The following LYST variants were observed in gnomAD, a reference collection of about 807,000 sequenced individuals.
LYST encodes lysosomal trafficking regulator, also known as lysosomal-trafficking regulator.
In LYST, 192 loss-of-function variants were observed where a neutral mutation model predicts 413.6. That is an observed-to-expected ratio of 0.46 (90% CI 0.41 to 0.52). The LOEUF (loss-of-function observed/expected upper bound fraction) is 0.52, where lower values mean the gene tolerates loss of function less well. LYST is among the 20% of genes least tolerant of loss of function. The pLI, the probability that LYST is intolerant of heterozygous loss-of-function variation, is 0.00. For missense variants in LYST, 3,815 were observed against 4,499.9 expected (o/e 0.85, Z 4.35); for synonymous variants, 1,525 against 1,567.3 (o/e 0.97, Z 0.64).
rs1196585226 is a variant in LYST at position 235,662,641 on chromosome 1, T to C, written c.*299A>G. ...AAAGGGGAGACCTTAATATTTTCTT[T>C]GGAATACCTTGGTGGGAAAAAATTT... On this transcript the variant is annotated 3_prime_UTR_variant, in exon 53 of 53. Transcript: ENST00000389793. The C allele has an allele frequency of 7.6e-6, 3 of 395,726 alleles. No individual in the cohort carries two copies. Among genetic ancestry groups the C allele is most frequent in the Admixed American group, 3.9e-5 (1 of 25,872 alleles). The allele number at this position is 395,726 out of a possible 1,614,324, so 24.5% of individuals were successfully genotyped here.
In LYST at chr1:235,782,772, T is replaced by G. The variant is rs375956548; in HGVS notation, c.4863-685A>C. Among the ~76,000 whole-genome samples, 40 of 152,288 alleles carry G rather than the reference T, an allele frequency of 2.6e-4. 1 individual carries two copies. The South Asian group carries it at 8.3e-3, about 32-fold the overall frequency. ...TGACAAACAATTCCAAAAACTGGAA[T>G]CCATGACATTCCAAAAATGTTATGT... is the stretch of plus-strand genomic sequence containing the variant. On this transcript the variant is annotated intron_variant, in intron 14 of 52. Transcript: ENST00000389793.
At chr1:235,865,403 T>G (rs1313894878) in intron 1 of LYST, among the ~76,000 whole-genome samples, 1 of 152,222 alleles carries the variant, frequency 6.6e-6, no homozygotes, top group South Asian at 2.1e-4. Flanking sequence ...GTTTATTATC[T>G]GAGGTCCCCA....
chr1:235,787,248 C>T lies in LYST; in HGVS notation c.4814G>A (p.Gly1605Glu), dbSNP rs1670522497. ...LVLTYLQQPQGKRRIHGKISI... is the reference protein window; with the variant it reads ...LVLTYLQQPQEKRRIHGKISI... ...GATTTTCCCATGAATCCTCCTTTTC[C>T]CTTGGGGCTGCTGTAAGTAGGTGAG... Residue 1605 changes from glycine to glutamate, a missense_variant, in exon 14 of 53, where the codon GGG becomes GAG. Around this residue, in one of 4 missense-constraint regions of LYST, gnomAD observed 530 missense variants for 696.5 expected, o/e 0.76. Coordinates refer to ENST00000389793, the MANE Select transcript of LYST (RefSeq NM_000081.4). The T allele has an allele frequency of 1.2e-6, 2 of 1,613,734 alleles. No homozygotes were observed. Among genetic ancestry groups the T allele is most frequent in the Non-Finnish European group, 1.7e-6 (2 of 1,179,784 alleles).
chr1:235,809,247 A>C lies in LYST; in HGVS notation c.1571T>G (p.Phe524Cys), dbSNP rs1418081790. ...TGGGTTTTTGGAAACCTGGTTTTTAAAAGCCGAAACCAGAAGACCTGAGAG... is the reference window on the plus strand; with the variant it reads ...TGGGTTTTTGGAAACCTGGTTTTTACAAGCCGAAACCAGAAGACCTGAGAG... ...RDLSGLLVSAFKNQVSKNPFE... is the reference protein window; with the variant it reads ...RDLSGLLVSACKNQVSKNPFE... The change falls in exon 5 of 53, where the codon TTT (phenylalanine) becomes TGT (cysteine). Residue 524 changes from phenylalanine to cysteine, a missense_variant. By Grantham distance (205) the Phe-to-Cys change is radical. Transcript: ENST00000389793. The surrounding 1 kb of genome is among the most constrained non-coding windows in gnomAD (Gnocchi z 4.0). The C allele has an allele frequency of 6.2e-7, 1 of 1,613,970 alleles. No homozygotes were observed. Among genetic ancestry groups the C allele is most frequent in the East Asian group, 2.2e-5 (1 of 44,848 alleles).
chr1:235,681,692 CAA>C (rs879033748), intron 48 of LYST, among the ~76,000 whole-genome samples: 58 of 152,240 alleles, frequency 3.8e-4, no homozygotes, highest in Admixed American at 5.9e-4. Context: ...TTCTTTAATC[CAA>C]AATGTAGGTT....
Position 235,759,062 on chromosome 1 carries a change from C to G in LYST, c.6791G>C (p.Ser2264Thr), listed in dbSNP as rs1190055262. Residue 2264 changes from serine to threonine, a missense_variant, in exon 23 of 53, where the codon AGT (serine) becomes ACT (threonine). Ser to Thr is a moderately conservative substitution (Grantham distance 58, BLOSUM62 1). Transcript: ENST00000389793. ...NGSAAVGRWP[S>T]LVDRNTDDWE... ...ATCATCAGTGTTTCTATCAACAAGA[C>G]TTGGCCAACGGCCAACAGCTGCAGA... The G allele has an allele frequency of 6.2e-7, 1 of 1,614,002 alleles. No homozygotes were observed. The highest frequency in any genetic ancestry group is 1.3e-5 in the African/African-American group (1 of 74,940).
intron 47 of LYST, among the ~76,000 whole-genome samples, chr1:235,689,692 G>A (rs1056846679): frequency 6.6e-6 from 1 of 152,084 alleles, no homozygotes; most frequent in African/African-American, 2.4e-5. Flanking sequence ...GTGAGGTGAC[G>A]AATGTGTTAA....
At chr1:235,697,350 C>T in intron 45 of LYST, 78 bp from the exon 46 acceptor site, 3 of 1,083,176 alleles carry the variant, frequency 2.8e-6, no homozygotes, top group Non-Finnish European at 4.1e-6. Flanking sequence ...AAGCTCTAAA[C>T]AAAGTAAGAG....
At chr1:235,846,924 A>G (rs936472825) in intron 1 of LYST, among the ~76,000 whole-genome samples, 7 of 152,168 alleles carry the variant, frequency 4.6e-5, no homozygotes, top group African/African-American at 1.7e-4. Context: ...CTGAGGAAGA[A>G]GAGAATTCTA....
chr1:235,670,143 C>T (rs16832789), intron 50 of LYST, among the ~76,000 whole-genome samples: 6,980 of 152,204 alleles, frequency 0.046, 496 homozygotes, highest in African/African-American at 0.15. Flanking sequence ...ACTACCTTTC[C>T]CACCTTAGCA....
At chr1:235,741,724 T>G in intron 30 of LYST, 96 bp from the exon 31 acceptor site, 3 of 895,018 alleles carry the variant, frequency 3.4e-6, no homozygotes, top group Non-Finnish European at 5.5e-6. Context: ...ATGGAACACG[T>G]TTTATTCCAG....
intron 48 of LYST, among the ~76,000 whole-genome samples, chr1:235,683,834 C>A (rs945540770): frequency 6.6e-6 from 1 of 152,162 alleles, no homozygotes; most frequent in African/African-American, 2.4e-5. Flanking sequence ...AGGGTCAGAA[C>A]CACAACCTTA....
upstream of LYST, among the ~76,000 whole-genome samples, chr1:235,867,592 A>G (rs1174391198): frequency 6.6e-6 from 1 of 152,180 alleles, no homozygotes; most frequent in Non-Finnish European, 1.5e-5. Flanking sequence ...TCAGTGTCAT[A>G]TGCCCTAATA....
intron 38 of LYST, 119 bp downstream of exon 38, chr1:235,727,957 T>C: frequency 1.3e-6 from 1 of 794,558 alleles, no homozygotes; most frequent in Non-Finnish European, 2.2e-6. Flanking sequence ...GACCAATCTA[T>C]ACATAGAGTG....
chr1:235,767,678 CTG>C (rs1362787894), intron 20 of LYST, among the ~76,000 whole-genome samples: 2 of 152,006 alleles, frequency 1.3e-5, no homozygotes, highest in Admixed American at 1.3e-4. Context: ...TATGAACATT[CTG>C]TTTCTGTCTT....
intron 1 of LYST, among the ~76,000 whole-genome samples, chr1:235,850,947 C>T (rs1678459008): frequency 6.6e-6 from 1 of 152,090 alleles, no homozygotes; most frequent in Non-Finnish European, 1.5e-5. Flanking sequence ...CTAGTACAGC[C>T]TCTATGGAAA....
intron 47 of LYST, among the ~76,000 whole-genome samples, chr1:235,689,367 C>T (rs1387108782): frequency 6.6e-6 from 1 of 152,068 alleles, no homozygotes; most frequent in Non-Finnish European, 1.5e-5. Context: ...CCCTGGGGGA[C>T]ACTGTATTAA....
intron 48 of LYST, among the ~76,000 whole-genome samples, chr1:235,678,192 T>G (rs1659538446): frequency 1.3e-5 from 2 of 152,186 alleles, no homozygotes; most frequent in Admixed American, 6.5e-5. Flanking sequence ...TGGTGGCTCA[T>G]GCCTGTAATC....
chr1:235,762,816 T>G lies in LYST; in HGVS notation c.6157A>C (p.Met2053Leu). Residue 2053 changes from methionine to leucine, a missense_variant, in exon 22 of 53, where the codon ATG becomes CTG. Coordinates refer to ENST00000389793, the MANE Select transcript of LYST (RefSeq NM_000081.4). ...KIFQEKVRSIMYLRHSSSGGR... is the reference protein window; with the variant it reads ...KIFQEKVRSILYLRHSSSGGR... ...CCACTGCTGGAATGCCTCAGGTACA[T>G]GATTGACCGCACTTTCTCCTGAAAG... 6.2e-7 allele frequency: 1 copy of G among 1,613,580 alleles called. No individual in the cohort carries two copies. Among genetic ancestry groups the G allele is most frequent in the Non-Finnish European group, 8.5e-7 (1 of 1,179,620 alleles).
Sources: allele counts gnomAD v4.1 joint callset (sites outside exome capture counted in the v4.1 genomes callset), GRCh38; gene constraint gnomAD v4.1.1; regional missense constraint gnomAD v4.1.1; non-coding constraint Gnocchi (gnomAD v3.1); transcripts MANE v1.5; gene names NCBI Gene and HGNC (gene_info 2026-07-23, HGNC 2026-07-21).